STXBP4: variants seen among roughly 807,000 people sequenced by gnomAD.
STXBP4 encodes the protein syntaxin binding protein 4.
In STXBP4, 55 loss-of-function variants were observed where a neutral mutation model predicts 76.1. The ratio of observed to expected loss-of-function variants is 0.72; its 90% CI spans 0.58 to 0.91. The LOEUF is 0.91. Among genes scored for constraint, STXBP4 ranks in the 40% least tolerant of loss-of-function variants. The pLI is 0.00. For missense variants in STXBP4, 618 were observed against 636.9 expected (o/e 0.97, Z 0.32); for synonymous variants, 201 against 220.2 (o/e 0.91, Z 0.77).
chr17:55,007,848 C>T (rs139051813), intron 8 of STXBP4, among the ~76,000 whole-genome samples: 33 of 152,208 alleles, frequency 2.2e-4, no homozygotes, highest in African/African-American at 5.8e-4. Flanking sequence ...ATAGTTTTCT[C>T]CTCGGAGAAT....
At chr17:55,051,357 C>T (rs2078856183) in intron 12 of STXBP4, among the ~76,000 whole-genome samples, 2 of 152,082 alleles carry the variant, frequency 1.3e-5, no homozygotes, top group Non-Finnish European at 2.9e-5. Context: ...ATTCAAGCAA[C>T]TAGTGAATGC....
At chr17:55,015,288 A>G (rs1029154051) in intron 8 of STXBP4, among the ~76,000 whole-genome samples, 2 of 152,120 alleles carry the variant, frequency 1.3e-5, no homozygotes, top group African/African-American at 4.8e-5. Context: ...ACCAATCTCC[A>G]TGTTCTGATT....
At chr17:55,096,339 G>A (rs531253631) in intron 16 of STXBP4, among the ~76,000 whole-genome samples, 4 of 152,188 alleles carry the variant, frequency 2.6e-5, no homozygotes, top group African/African-American at 9.6e-5. Flanking sequence ...GGTATTTTTT[G>A]TAGAGATGGG....
chr17:55,185,194 TC>T, the STXBP4 span, among the ~76,000 whole-genome samples: 4 of 45,474 alleles, frequency 8.8e-5, no homozygotes, highest in African/African-American at 4.2e-4. Context: ...TTCTTTTTCT[TC>T]TTCTTCTTCT....
chr17:55,116,988 A>C (rs2079787864), intron 16 of STXBP4, among the ~76,000 whole-genome samples: 1 of 152,008 alleles, frequency 6.6e-6, no homozygotes, highest in South Asian at 2.1e-4. Flanking sequence ...AGATGAGTTA[A>C]TAAGATAAGC....
the STXBP4 span, among the ~76,000 whole-genome samples, chr17:55,208,248 T>G: frequency 6.6e-6 from 1 of 151,960 alleles, no homozygotes. Flanking sequence ...TCATAGCACT[T>G]CATAGCAGTG....
intron 8 of STXBP4, among the ~76,000 whole-genome samples, chr17:55,027,253 C>T (rs902385767): frequency 2.6e-5 from 4 of 152,180 alleles, no homozygotes; most frequent in Non-Finnish European, 4.4e-5. Context: ...CTAGCTCCCC[C>T]TGACTTTGCC....
intron 4 of STXBP4, among the ~76,000 whole-genome samples, chr17:54,994,608 CA>C (rs1052142729): frequency 6.6e-6 from 1 of 152,132 alleles, no homozygotes; most frequent in African/African-American, 2.4e-5. Context: ...AAACTGTCAT[CA>C]GTTTTGAATC....
chr17:55,204,950 A>T, the STXBP4 span, among the ~76,000 whole-genome samples: 1 of 152,222 alleles, frequency 6.6e-6, no homozygotes, highest in Non-Finnish European at 1.5e-5. Context: ...AGAACTATTG[A>T]ATAACTACCA....
At chr17:55,201,634 A>G in the STXBP4 span, among the ~76,000 whole-genome samples, 1 of 152,228 alleles carries the variant, frequency 6.6e-6, no homozygotes, top group African/African-American at 2.4e-5. Flanking sequence ...AATACATTCC[A>G]GGAAAGAAGT....
chr17:54,971,648 A>AC (rs1769181199), intron 1 of STXBP4, among the ~76,000 whole-genome samples: 1 of 152,048 alleles, frequency 6.6e-6, no homozygotes, highest in Non-Finnish European at 1.5e-5. Flanking sequence ...TACATAAATT[A>AC]CCCCATTTGT....
downstream of STXBP4, among the ~76,000 whole-genome samples, chr17:55,178,089 C>A (rs570624129): frequency 5.5e-4 from 84 of 152,256 alleles, no homozygotes; most frequent in African/African-American, 1.8e-3. Flanking sequence ...TGGAGATGAA[C>A]AAATGATCAA....
chr17:55,200,674 C>T, the STXBP4 span, among the ~76,000 whole-genome samples: 1 of 152,172 alleles, frequency 6.6e-6, no homozygotes, highest in African/African-American at 2.4e-5. Flanking sequence ...CATTCTTCTC[C>T]CTGTCTTGCA....
In STXBP4 at chr17:55,110,028, G is replaced by A. The variant is rs571986317; in HGVS notation, c.1489+28845G>A. Among the ~76,000 whole-genome samples, 10 of 152,282 alleles carry A rather than the reference G, an allele frequency of 6.6e-5. No homozygotes were observed. The East Asian group carries it at 9.7e-4, about 15-fold the overall frequency. On this transcript the variant is annotated intron_variant, in intron 16 of 17. Coordinates refer to ENST00000376352, the MANE Select transcript of STXBP4 (RefSeq NM_178509.6). ...TGTTTCATTGGACTAAAACCAAGGT[G>A]TCAGCAAAGCTGCATTCTCTTCTGA... is the stretch of plus-strand genomic sequence containing the variant.
intron 17 of STXBP4, among the ~76,000 whole-genome samples, chr17:55,149,075 G>A (rs951557242): frequency 2.0e-5 from 3 of 152,106 alleles, no homozygotes; most frequent in Non-Finnish European, 2.9e-5. Context: ...TCTTAATGAG[G>A]CTACAATGAA....
At chr17:55,007,825 G>C (rs11650605) in intron 8 of STXBP4, among the ~76,000 whole-genome samples, 30,847 of 151,996 alleles carry the variant, frequency 0.2, 3,372 homozygotes, top group Middle Eastern at 0.34. Flanking sequence ...AACTAAATTG[G>C]CATTTGGATC....
intron 16 of STXBP4, among the ~76,000 whole-genome samples, chr17:55,090,543 A>C (rs2079397591): frequency 2.0e-5 from 3 of 152,196 alleles, no homozygotes; most frequent in Admixed American, 2.0e-4. Flanking sequence ...ATTCTTTAAA[A>C]GGTCAAAAAC....
intron 1 of STXBP4, among the ~76,000 whole-genome samples, chr17:54,985,198 A>G (rs2077609986): frequency 6.6e-6 from 1 of 152,332 alleles, no homozygotes; most frequent in East Asian, 1.9e-4. Flanking sequence ...CATCGCCACA[A>G]TCAAGGCACC....
At chr17:55,061,457 G>C (rs768901904) in intron 12 of STXBP4, among the ~76,000 whole-genome samples, 4 of 152,006 alleles carry the variant, frequency 2.6e-5, no homozygotes, top group Non-Finnish European at 5.9e-5. Context: ...TCTTCAGAGG[G>C]AAAAAGAAGA....
Sources: gnomAD v4.1 joint callset for allele counts (sites outside exome capture counted in the v4.1 genomes callset) on GRCh38, gnomAD v4.1.1 for gene constraint, MANE v1.5 for transcripts, NCBI Gene and HGNC (gene_info 2026-07-23, HGNC 2026-07-21) for gene names.